Variants in DYM observed in about 807,000 individuals in gnomAD.
DYM encodes the protein dyggve-Melchior-Clausen syndrome protein.
Under a neutral mutation model 93.1 loss-of-function variants are expected in DYM, and 78 were observed. The ratio of observed to expected loss-of-function variants is 0.84; its 90% CI spans 0.70 to 1.01. The LOEUF (loss-of-function observed/expected upper bound fraction) is 1.01. Ranked by LOEUF, DYM falls within the 50% of genes least tolerant of loss-of-function variation. The probability of loss-of-function intolerance (pLI) is 0.00; values close to 1 mark genes in which losing one functional copy is unlikely to be tolerated. For missense variants in DYM, 789 were observed against 845.0 expected, an observed-to-expected ratio of 0.93 and a Z score of 0.82; for synonymous variants, 321 against 319.7, an observed-to-expected ratio of 1.00 and a Z score of -0.04.
intron 14 of DYM, among the ~76,000 whole-genome samples, chr18:49,202,609 C>G (rs1568593858): frequency 1.6e-5 from 2 of 124,096 alleles, no homozygotes; most frequent in African/African-American, 3.1e-5. Flanking sequence ...CCCGGCCGCC[C>G]ATTGTCTGAG....
chr18:49,260,846 C>A (rs1233882788), intron 11 of DYM, among the ~76,000 whole-genome samples: 1 of 151,000 alleles, frequency 6.6e-6, no homozygotes, highest in Non-Finnish European at 1.5e-5. Context: ...CACCCATGTA[C>A]CATCTCCGGG....
intron 17 of DYM, among the ~76,000 whole-genome samples, chr18:49,052,283 C>T (rs62102284): frequency 0.074 from 11,261 of 152,208 alleles, 473 homozygotes; most frequent in Middle Eastern, 0.17. Context: ...AATTTGACCC[C>T]CTCTCCGAAT....
chr18:49,416,987 G>C (rs1568407882), intron 2 of DYM, among the ~76,000 whole-genome samples: 2 of 152,234 alleles, frequency 1.3e-5, no homozygotes, highest in East Asian at 1.9e-4. Context: ...GAAGCATCAT[G>C]AACTATGTTG....
chr18:49,314,631 C>T (rs1167098769), intron 8 of DYM, among the ~76,000 whole-genome samples: 1 of 152,208 alleles, frequency 6.6e-6, no homozygotes, highest in East Asian at 1.9e-4. Flanking sequence ...CATTCATTTC[C>T]AGTTTGGCAA....
At chr18:49,383,667 T>A (rs1031925623) in intron 3 of DYM, among the ~76,000 whole-genome samples, 1 of 152,236 alleles carries the variant, frequency 6.6e-6, no homozygotes, top group Admixed American at 6.5e-5. Flanking sequence ...TTTATTTTTC[T>A]GAACAGCCAA....
intron 17 of DYM, among the ~76,000 whole-genome samples, chr18:49,090,002 A>G (rs2078897918): frequency 6.6e-6 from 1 of 152,140 alleles, no homozygotes; most frequent in Non-Finnish European, 1.5e-5. Flanking sequence ...ACATCCTGCA[A>G]ATGTGTGTGT....
chr18:49,052,311 T>A (rs976160036), intron 17 of DYM, among the ~76,000 whole-genome samples: 1 of 152,162 alleles, frequency 6.6e-6, no homozygotes, highest in Non-Finnish European at 1.5e-5. Context: ...TCCATCTACC[T>A]CCCTATAGAG....
chr18:49,248,989 TA>T (rs1292107593), intron 13 of DYM, among the ~76,000 whole-genome samples: 2 of 152,198 alleles, frequency 1.3e-5, no homozygotes, highest in Non-Finnish European at 2.9e-5. Context: ...GAATCAGGGC[TA>T]GGGGAAAGCA....
At chr18:49,405,570 T>C (rs142989068) in intron 2 of DYM, among the ~76,000 whole-genome samples, 124 of 152,288 alleles carry the variant, frequency 8.1e-4, no homozygotes, top group African/African-American at 2.6e-3. Flanking sequence ...TATTTCTGGG[T>C]TCTCTATTCT....
chr18:49,154,919 T>G (rs1260218680), intron 15 of DYM, among the ~76,000 whole-genome samples: 2 of 152,228 alleles, frequency 1.3e-5, no homozygotes, highest in Non-Finnish European at 2.9e-5. Context: ...TAATGCATAA[T>G]TTTCAAGCAT....
At chr18:49,453,560 T>C (rs1041790150) in intron 1 of DYM, among the ~76,000 whole-genome samples, 4 of 152,134 alleles carry the variant, frequency 2.6e-5, no homozygotes, top group African/African-American at 4.8e-5. Context: ...ACGCCGCCTT[T>C]AAGAACTGTA....
At chr18:49,085,707 A>C (rs1266697142) in intron 17 of DYM, among the ~76,000 whole-genome samples, 3 of 145,514 alleles carry the variant, frequency 2.1e-5, no homozygotes, top group Admixed American at 7.2e-5. Flanking sequence ...GCCCGGGTTC[A>C]AGTGATTCTC....
At chr18:49,159,517 T>C (rs1167192431) in intron 15 of DYM, among the ~76,000 whole-genome samples, 1 of 152,208 alleles carries the variant, frequency 6.6e-6, no homozygotes, top group East Asian at 1.9e-4. Flanking sequence ...ATGATAATAA[T>C]AAGTGATCAT....
rs141778204 is a variant in DYM, at chr18:49,048,305, T to C, written c.2026-4101A>G. On this transcript the variant is annotated intron_variant, in intron 17 of 17. Transcript: ENST00000675505. Reference sequence around the variant, plus strand: ...TAGTTCTTAGGACGGCCTCAAACTTTAGAAAACCTCACACGGACTCAGGGA... The same window carrying C: ...TAGTTCTTAGGACGGCCTCAAACTTCAGAAAACCTCACACGGACTCAGGGA... 2.6e-5 allele frequency: 4 copies of C among 152,194 alleles called. No individual in the cohort carries two copies. In the East Asian group the frequency reaches 5.8e-4, roughly 22 times the overall value. 9.4% of individuals were successfully genotyped at this position (152,194 alleles called of 1,614,324 possible).
chr18:49,156,779 T>C (rs1373062210), intron 15 of DYM, among the ~76,000 whole-genome samples: 2 of 147,204 alleles, frequency 1.4e-5, no homozygotes, highest in African/African-American at 2.5e-5. Context: ...CATTTCTACC[T>C]ACATTCCACT....
At chr18:49,212,646 C>T (rs2092835349) in intron 13 of DYM, among the ~76,000 whole-genome samples, 1 of 152,092 alleles carries the variant, frequency 6.6e-6, no homozygotes, top group Non-Finnish European at 1.5e-5. Flanking sequence ...CAAGTGTGTG[C>T]CACCACACTC....
intron 1 of DYM, among the ~76,000 whole-genome samples, chr18:49,437,270 C>A (rs1030397715): frequency 6.6e-6 from 1 of 152,132 alleles, no homozygotes; most frequent in African/African-American, 2.4e-5. Context: ...TTTAAACAAA[C>A]CATAGCATAT....
chr18:49,167,023 T>C (rs1308015257), intron 14 of DYM, among the ~76,000 whole-genome samples: 1 of 141,428 alleles, frequency 7.1e-6, no homozygotes, highest in African/African-American at 3.0e-5. Flanking sequence ...TGTGTGTGTG[T>C]GTGTGTGTGT....
intron 11 of DYM, among the ~76,000 whole-genome samples, chr18:49,262,647 T>C (rs2094507916): frequency 6.6e-6 from 1 of 152,230 alleles, no homozygotes; most frequent in African/African-American, 2.4e-5. Context: ...CAATACTAGT[T>C]AGTAAATAGC....
Sources: gnomAD v4.1 joint callset for allele counts (sites outside exome capture counted in the v4.1 genomes callset) on GRCh38, gnomAD v4.1.1 for gene constraint, MANE v1.5 for transcripts, NCBI Gene and HGNC (gene_info 2026-07-23, HGNC 2026-07-21) for gene names.